QTRT1: variants seen among roughly 807,000 people sequenced by gnomAD.
QTRT1 encodes the protein queuine tRNA-ribosyltransferase catalytic subunit 1.
Under a neutral mutation model 44.0 loss-of-function variants are expected in QTRT1, and 41 were observed. That is an observed-to-expected ratio of 0.93 (90% CI 0.73 to 1.21). QTRT1 has a LOEUF of 1.21. QTRT1 is among the 50% of genes most tolerant of loss of function. The pLI, the probability that QTRT1 is intolerant of heterozygous loss-of-function variation, is 0.00. For missense variants in QTRT1, 542 were observed against 575.8 expected, an observed-to-expected ratio of 0.94 and a Z score of 0.60; for synonymous variants, 226 against 237.1, an observed-to-expected ratio of 0.95 and a Z score of 0.43.
At chr19:10,710,216 C>A (rs1010357080) in intron 5 of QTRT1, among the ~76,000 whole-genome samples, 1 of 152,046 alleles carries the variant, frequency 6.6e-6, no homozygotes, top group Non-Finnish European at 1.5e-5. Flanking sequence ...AGAGAAAAAA[C>A]TTAGAATGCC....
chr19:10,702,098 C>T lies in QTRT1; in HGVS notation c.313-18C>T, dbSNP rs749516846. On this transcript the variant is annotated intron_variant, in intron 2 of 9. Coordinates refer to ENST00000250237, the MANE Select transcript of QTRT1 (RefSeq NM_031209.3). The stretch of plus-strand genomic sequence containing the variant: ...CCATCTCCACCCCCTGACAGCTTTG[C>T]GGTGGGGTTTCCCTTAGGACAGCGG... 1.2e-6 allele frequency: 2 copies of T among 1,613,976 alleles called. No individual in the cohort carries two copies. Among genetic ancestry groups the T allele is most frequent in the East Asian group, 4.5e-5 (2 of 44,896 alleles).
At chr19:10,711,950 C>T in intron 5 of QTRT1, 2 of 628,520 alleles carry the variant, frequency 3.2e-6, no homozygotes, top group Non-Finnish European at 2.8e-6. Flanking sequence ...AGCAGTAGTC[C>T]CAGCCCCTAG....
intron 3 of QTRT1, 32 bp downstream of exon 3, chr19:10,702,286 CCTGT>C (rs763957406): frequency 8.7e-6 from 14 of 1,605,514 alleles, no homozygotes; most frequent in African/African-American, 8.0e-5. Flanking sequence ...GCCTCCTTAC[CCTGT>C]CTGTCAGGGG....
intron 3 of QTRT1, among the ~76,000 whole-genome samples, chr19:10,702,577 G>C (rs2068695054): frequency 6.6e-6 from 1 of 151,952 alleles, no homozygotes; most frequent in Admixed American, 6.6e-5. Flanking sequence ...ACTGAGGCGG[G>C]AAGATCACTT....
chr19:10,712,588 G>C lies in QTRT1; in HGVS notation c.821G>C (p.Gly274Ala), dbSNP rs1194826424. ...ATDLVVCVAL[G>A]CDMFDCVFPT... ...GATCTGGTAGTCTGCGTGGCTCTTG[G>C]ATGTGACATGTTCGACTGCGTCTTC... Residue 274 changes from glycine (G) to alanine (A), a missense_variant, in exon 7 of 10, where the codon GGA becomes GCA. Physicochemically the swap from Gly to Ala is moderately conservative, Grantham distance 60. Transcript: ENST00000250237. The surrounding 1 kb of genome is among the most constrained non-coding windows in gnomAD (Gnocchi z 5.6). 6.2e-7 allele frequency: 1 copy of C among 1,613,598 alleles called. No individual in the cohort carries two copies. Among genetic ancestry groups the C allele is most frequent in the Non-Finnish European group, 8.5e-7 (1 of 1,179,878 alleles).
At chr19:10,709,684 T>TA (rs35623705) in intron 5 of QTRT1, among the ~76,000 whole-genome samples, 1 of 151,748 alleles carries the variant, frequency 6.6e-6, no homozygotes, top group African/African-American at 2.4e-5. Flanking sequence ...CCATCTCTAC[T>TA]AAAAAATAGA....
chr19:10,707,208 C>T (rs757768747), intron 3 of QTRT1, 94 bp from the exon 4 acceptor site: 2 of 1,252,276 alleles, frequency 1.6e-6, no homozygotes, highest in Non-Finnish European at 2.3e-6. Context: ...TGGGGGGATG[C>T]TCTTGGGGAA....
intron 5 of QTRT1, chr19:10,710,955 A>G (rs2068736337): frequency 6.6e-6 from 1 of 151,294 alleles, no homozygotes; most frequent in Non-Finnish European, 1.5e-5. Context: ...AAGTTCTGGG[A>G]TACATGTGCA....
intron 5 of QTRT1, among the ~76,000 whole-genome samples, chr19:10,710,547 C>T (rs2068734107): frequency 6.6e-6 from 1 of 152,070 alleles, no homozygotes; most frequent in Non-Finnish European, 1.5e-5. Context: ...GAACTCCTGA[C>T]CTCGTGATCC....
chr19:10,712,724 T>C lies in QTRT1; in HGVS notation c.862-34T>C, dbSNP rs1271682700. ...GGGGTGGGGAGAATGAAGCCCTGGG[T>C]GACGCCCCTTTCCCTGCCCTTCCTC... On this transcript the variant is annotated intron_variant, in intron 7 of 9. Coordinates refer to ENST00000250237, the MANE Select transcript of QTRT1 (RefSeq NM_031209.3). This position sits in a 1 kb window ranked among gnomAD's most constrained non-coding sequence, Gnocchi z 5.6. The C allele has an allele frequency of 3.2e-6, 5 of 1,582,410 alleles. No homozygotes were observed. The highest frequency in any genetic ancestry group is 4.3e-6 in the Non-Finnish European group (5 of 1,151,878).
Position 10,712,364 on chromosome 19 carries a change from C to T in QTRT1, c.785+65C>T. ...AAGTGGATTCCTGGGGACCCCCTAC[C>T]CTGCTTGGGGAGGTGGCATTTGGGG... On this transcript the variant is annotated intron_variant, in intron 6 of 9. Transcript: ENST00000250237. This position sits in a 1 kb window ranked among gnomAD's most constrained non-coding sequence, Gnocchi z 5.6. 6.4e-7 allele frequency: 1 copy of T among 1,564,458 alleles called. No individual in the cohort carries two copies. The highest frequency in any genetic ancestry group is 1.8e-5 in the Admixed American group (1 of 56,310).
At position 10,707,481 on chromosome 19, in the gene QTRT1, G is replaced by A. The variant is rs1456924186; in HGVS notation, c.531-19G>A. On this transcript the variant is annotated intron_variant, in intron 4 of 9. Coordinates refer to ENST00000250237, the MANE Select transcript of QTRT1 (RefSeq NM_031209.3). ...CCCTCACCAGGCCCCTGGGGCTTGT[G>A]ACTGGGGCCCTGTTGCAGGTCAATC... 1 of 1,610,334 alleles carries A rather than the reference G, an allele frequency of 6.2e-7. No homozygotes were observed. The highest frequency in any genetic ancestry group is 8.5e-7 in the Non-Finnish European group (1 of 1,177,084).
intron 5 of QTRT1, 104 bp downstream of exon 5, chr19:10,707,719 C>T (rs758196407): frequency 2.5e-5 from 19 of 775,496 alleles, no homozygotes; most frequent in Non-Finnish European, 3.4e-5. Flanking sequence ...AAGGGCACTG[C>T]GCTAGAAAAA....
chr19:10,701,656 G>A lies in QTRT1; in HGVS notation c.196G>A (p.Gly66Ser). 6.3e-7 allele frequency: 1 copy of A among 1,594,412 alleles called. No individual in the cohort carries two copies. Among genetic ancestry groups the A allele is most frequent in the Non-Finnish European group, 8.5e-7 (1 of 1,171,680 alleles). ...CACGACCGAACAGCTGGACGCTCTG[G>A]GTTGCCGCATCTGCCTGGGCAATAC... ...GITTEQLDAL[G>S]CRICLGNTYH... Residue 66 changes from glycine to serine, a missense_variant, in exon 1 of 10, where the codon GGT becomes AGT. Physicochemically the swap from Gly to Ser is moderately conservative, Grantham distance 56 (BLOSUM62 0). Transcript: ENST00000250237.
At chr19:10,703,626 C>T (rs2068699920) in intron 3 of QTRT1, among the ~76,000 whole-genome samples, 1 of 152,030 alleles carries the variant, frequency 6.6e-6, no homozygotes, top group African/African-American at 2.4e-5. Context: ...TCAAGCAATT[C>T]GCCTGCCTTA....
intron 3 of QTRT1, among the ~76,000 whole-genome samples, chr19:10,707,045 G>A (rs1414199773): frequency 6.6e-6 from 1 of 152,254 alleles, no homozygotes; most frequent in Non-Finnish European, 1.5e-5. Flanking sequence ...CATAGCAAGG[G>A]ATCCCTTTGT....
chr19:10,712,923 C>T lies in QTRT1; in HGVS notation c.972-30C>T, dbSNP rs752674510. The T allele has an allele frequency of 1.4e-5, 22 of 1,612,464 alleles. No individual in the cohort carries two copies. The highest frequency in any genetic ancestry group is 8.9e-5 in the East Asian group (4 of 44,888). On this transcript the variant is annotated intron_variant, in intron 8 of 9. Coordinates refer to ENST00000250237, the MANE Select transcript of QTRT1 (RefSeq NM_031209.3). The surrounding 1 kb of genome is among the most constrained non-coding windows in gnomAD (Gnocchi z 5.6). ...GGGCATGGAGGGGACAGGGCCTGGC[C>T]GTGCTGAGCTGTCCCCTGCCGCTCT...
chr19:10,712,091 G>T lies in QTRT1; in HGVS notation c.647-70G>T. On this transcript the variant is annotated intron_variant, in intron 5 of 9. Transcript: ENST00000250237. This position sits in a 1 kb window ranked among gnomAD's most constrained non-coding sequence, Gnocchi z 5.6. Reference sequence around the variant, plus strand: ...TGAGCGACTCTGGAAGTCTGGGCAGGGTGTGTTCTGGGATTGAAGACCAGG... The same window carrying T: ...TGAGCGACTCTGGAAGTCTGGGCAGTGTGTGTTCTGGGATTGAAGACCAGG... The T allele has an allele frequency of 6.3e-7, 1 of 1,592,198 alleles. No individual in the cohort carries two copies. The highest frequency in any genetic ancestry group is 8.6e-7 in the Non-Finnish European group (1 of 1,168,260).
At chr19:10,710,803 G>C (rs2068735535) in intron 5 of QTRT1, among the ~76,000 whole-genome samples, 2 of 151,418 alleles carry the variant, frequency 1.3e-5, no homozygotes, top group Non-Finnish European at 2.9e-5. Flanking sequence ...GGCGACTGTA[G>C]TCCCAGCTAC....
Sources: gnomAD v4.1 joint callset for allele counts (sites outside exome capture counted in the v4.1 genomes callset) on GRCh38, gnomAD v4.1.1 for gene constraint, Gnocchi (gnomAD v3.1) non-coding constraint, MANE v1.5 for transcripts, NCBI Gene and HGNC (gene_info 2026-07-23, HGNC 2026-07-21) for gene names.